The following ERAP1 variants were observed in gnomAD, a reference collection of about 807,000 sequenced individuals.
The protein encoded by ERAP1 is endoplasmic reticulum aminopeptidase 1, also known as adipocyte-derived leucine aminopeptidase.
In ERAP1, 86 loss-of-function variants were observed where a neutral mutation model predicts 103.7. That is an observed-to-expected ratio of 0.83 (90% CI 0.70 to 0.99). The LOEUF (loss-of-function observed/expected upper bound fraction) is 0.99, where lower values mean the gene tolerates loss of function less well. ERAP1 is among the 50% of genes least tolerant of loss of function. The probability of loss-of-function intolerance (pLI) is 0.00; values close to 1 mark genes in which losing one functional copy is unlikely to be tolerated. For synonymous variants in ERAP1, 398 were observed against 402.4 expected, an observed-to-expected ratio of 0.99 and a Z score of 0.13; for missense variants, 1,009 against 1,128.4, an observed-to-expected ratio of 0.89 and a Z score of 1.52.
intron 3 of ERAP1, among the ~76,000 whole-genome samples, chr5:96,799,994 C>G (rs1777800822): frequency 6.6e-6 from 1 of 152,172 alleles, no homozygotes; most frequent in South Asian, 2.1e-4. Flanking sequence ...CTCTCAGTAT[C>G]TCTCCATGTT....
At chr5:96,929,750 T>G in the ERAP1 span, among the ~76,000 whole-genome samples, 9 of 152,214 alleles carry the variant, frequency 5.9e-5, no homozygotes, top group Non-Finnish European at 1.5e-5. Context: ...TTACAGAGTT[T>G]GACTCTTTTC....
intron 10 of ERAP1, 93 bp from the exon 11 acceptor site, chr5:96,788,778 A>G: frequency 6.6e-7 from 1 of 1,508,302 alleles, no homozygotes; most frequent in South Asian, 1.2e-5. Flanking sequence ...AGCCGCTACC[A>G]GTTGCCAACC....
At chr5:96,847,781 T>G in the ERAP1 span, among the ~76,000 whole-genome samples, 1 of 151,872 alleles carries the variant, frequency 6.6e-6, no homozygotes, top group Non-Finnish European at 1.5e-5. Context: ...TAAGCAAAAA[T>G]GGAAACAAAA....
At chr5:96,900,400 C>T in the ERAP1 span, among the ~76,000 whole-genome samples, 13 of 152,124 alleles carry the variant, frequency 8.5e-5, no homozygotes, top group South Asian at 4.1e-4. Context: ...TGTTATAGTT[C>T]GGCTTTCCCA....
the ERAP1 span, chr5:96,814,299 G>A: frequency 2.2e-6 from 1 of 456,234 alleles, no homozygotes; most frequent in Non-Finnish European, 4.4e-6. Context: ...CAAGTCACAG[G>A]TTTCTCTCAC....
chr5:96,793,574 C>A, intron 6 of ERAP1, 61 bp from the exon 7 acceptor site: 1 of 1,305,724 alleles, frequency 7.7e-7, no homozygotes, highest in Non-Finnish European at 1.1e-6. Context: ...TTTAGATGTC[C>A]AATATAAGTT....
chr5:96,909,752 G>C, the ERAP1 span: 5 of 1,613,972 alleles, frequency 3.1e-6, no homozygotes, highest in East Asian at 6.7e-5. Flanking sequence ...ATGGAATCCA[G>C]TGGAAAATTA....
chr5:96,896,027 C>T, the ERAP1 span, among the ~76,000 whole-genome samples: 4 of 152,020 alleles, frequency 2.6e-5, no homozygotes, highest in Non-Finnish European at 5.9e-5. Flanking sequence ...ACCATATCTC[C>T]CTTGCAGAGG....
At chr5:96,785,309 G>C (rs1775842829) in intron 13 of ERAP1, 1 of 201,966 alleles carries the variant, frequency 5.0e-6, no homozygotes, top group Admixed American at 5.3e-5. Context: ...TCAGGTATCT[G>C]GTTTAGGAAA....
chr5:96,813,318 A>C, the ERAP1 span, among the ~76,000 whole-genome samples: 1 of 152,154 alleles, frequency 6.6e-6, no homozygotes, highest in African/African-American at 2.4e-5. Flanking sequence ...GCCTTTGAAA[A>C]ATTTTAAGAG....
chr5:96,782,979 T>C, intron 15 of ERAP1, 72 bp downstream of exon 15: 1 of 1,494,020 alleles, frequency 6.7e-7, no homozygotes, highest in Non-Finnish European at 9.3e-7. Context: ...TTCCCTAATG[T>C]TTAGTACCAA....
intron 10 of ERAP1, 90 bp from the exon 11 acceptor site, chr5:96,788,775 A>G: frequency 6.6e-7 from 1 of 1,519,492 alleles, no homozygotes; most frequent in Non-Finnish European, 8.9e-7. Context: ...AACAGCCGCT[A>G]CCAGTTGCCA....
the ERAP1 span, among the ~76,000 whole-genome samples, chr5:96,907,894 AAT>A: frequency 1.3e-5 from 2 of 151,102 alleles, no homozygotes; most frequent in African/African-American, 4.9e-5. Flanking sequence ...AAAAAAAAAA[AAT>A]ATATATATAT....
chr5:96,780,568 G>A, intron 17 of ERAP1, 64 bp from the exon 18 acceptor site: 1 of 1,253,502 alleles, frequency 8.0e-7, no homozygotes, highest in Non-Finnish European at 1.2e-6. Flanking sequence ...ATATTTTAAG[G>A]GCCTCCTATA....
chr5:96,902,847 T>G, the ERAP1 span: 5,884 of 154,576 alleles, frequency 0.038, 191 homozygotes, highest in Middle Eastern at 0.11. Context: ...TATAATGTAA[T>G]TTTACCCTCT....
the ERAP1 span, among the ~76,000 whole-genome samples, chr5:96,836,084 T>C: frequency 5.3e-5 from 8 of 151,686 alleles, no homozygotes; most frequent in African/African-American, 1.2e-4. Flanking sequence ...CAGAGAGAAA[T>C]GTGAAATAAT....
the ERAP1 span, among the ~76,000 whole-genome samples, chr5:96,927,721 C>T: frequency 1.3e-5 from 2 of 152,146 alleles, no homozygotes; most frequent in Non-Finnish European, 2.9e-5. Context: ...CTCCTCACCT[C>T]GTGATTTGCC....
chr5:96,860,821 C>G, the ERAP1 span, among the ~76,000 whole-genome samples: 12 of 152,174 alleles, frequency 7.9e-5, no homozygotes, highest in Admixed American at 3.3e-4. Context: ...CCAAAGAAAT[C>G]AGACTCAAAT....
At chr5:96,931,417 A>G in the ERAP1 span, among the ~76,000 whole-genome samples, 1 of 152,164 alleles carries the variant, frequency 6.6e-6, no homozygotes. Flanking sequence ...TTGGCCTCCC[A>G]AAGTGCTGGA....
Sources: gnomAD v4.1 joint callset for allele counts (sites outside exome capture counted in the v4.1 genomes callset) on GRCh38, gnomAD v4.1.1 for gene constraint, MANE v1.5 for transcripts, NCBI Gene and HGNC (gene_info 2026-07-23, HGNC 2026-07-21) for gene names.